ATAD2: variants seen among roughly 807,000 people sequenced by gnomAD.
ATAD2 encodes ATPase family AAA domain-containing protein 2.
Under a neutral mutation model 168.9 loss-of-function variants are expected in ATAD2, and 62 were observed. The ratio of observed to expected loss-of-function variants is 0.37; its 90% CI spans 0.30 to 0.45. The LOEUF is 0.45. ATAD2 is among the 20% of genes least tolerant of loss of function. ATAD2 has a pLI of 1.00. For synonymous variants in ATAD2, 613 were observed against 571.6 expected, an observed-to-expected ratio of 1.07 and a Z score of -1.03; for missense variants, 1,419 against 1,667.8, an observed-to-expected ratio of 0.85 and a Z score of 2.60.
chr8:123,389,304 A>T lies in ATAD2; in HGVS notation c.171+6883T>A, dbSNP rs1829741204. 2.1e-5 allele frequency among the ~76,000 whole-genome samples: 3 copies of T among 145,484 alleles called. No homozygotes were observed. The South Asian group carries it at 6.8e-4, about 33-fold the overall frequency. On this transcript the variant is annotated intron_variant, in intron 1 of 27. Transcript: ENST00000287394. ...GCTTTGCTGTTTTCTATTCATCCTC[A>T]AGGACAAGCAGTCCCAACCTCTTAG...
rs138781236 is a variant in ATAD2 at position 123,323,662 on chromosome 8, G to T, written c.4003-596C>A. ...TAGTTAAGTAAAAACCAACTAAAAT[G>T]GCCATAGGTAATGGTCATAAAAACA... On this transcript the variant is annotated intron_variant, in intron 26 of 27. Transcript: ENST00000287394. Among the ~76,000 whole-genome samples, 15 of 152,094 alleles carry T rather than the reference G, an allele frequency of 9.9e-5. No homozygotes were observed. In the East Asian group the frequency reaches 2.1e-3, roughly 22 times the overall value.
At chr8:123,359,738 C>T in intron 9 of ATAD2, 53 bp from the exon 10 acceptor site, 1 of 1,214,860 alleles carries the variant, frequency 8.2e-7, no homozygotes, top group Non-Finnish European at 1.2e-6. Flanking sequence ...CACCCTCCTT[C>T]CCAAATTCCA....
chr8:123,349,272 A>G lies in ATAD2; in HGVS notation c.1806+13T>C, dbSNP rs200383769. 286 of 1,607,968 alleles carry G rather than the reference A, an allele frequency of 1.8e-4. No homozygotes were observed. The highest frequency in any genetic ancestry group is 2.6e-4 in the Admixed American group (15 of 57,720). Reference sequence around the variant, plus strand: ...TATATTTTGTCAAAATTTGAGTGACATTAAATTCTTACCTCTTTATCAGGC... The same window carrying G: ...TATATTTTGTCAAAATTTGAGTGACGTTAAATTCTTACCTCTTTATCAGGC... On this transcript the variant is annotated intron_variant, in intron 14 of 27. Coordinates refer to ENST00000287394, the MANE Select transcript of ATAD2 (RefSeq NM_014109.4).
At chr8:123,365,368 A>G (rs1828943659) in intron 8 of ATAD2, among the ~76,000 whole-genome samples, 1 of 152,178 alleles carries the variant, frequency 6.6e-6, no homozygotes, top group Admixed American at 6.6e-5. Context: ...AGCAATCTAC[A>G]AATTCAACAT....
intron 1 of ATAD2, 153 bp from the exon 2 acceptor site, chr8:123,380,830 T>C (rs1829473876): frequency 1.5e-6 from 1 of 671,924 alleles, no homozygotes; most frequent in Non-Finnish European, 2.5e-6. Context: ...AGTTAGTATC[T>C]AGAAAAACCA....
chr8:123,321,426 C>T (rs117399115), intron 27 of ATAD2, among the ~76,000 whole-genome samples: 2,802 of 151,004 alleles, frequency 0.019, 46 homozygotes, highest in Non-Finnish European at 0.026. Context: ...TAGTATTAAT[C>T]AAGGTACTGA....
rs940865916 is a variant in ATAD2, at chr8:123,396,420, G to C, written c.-63C>G. 27 of 1,430,344 alleles carry C rather than the reference G, an allele frequency of 1.9e-5. No individual in the cohort carries two copies. In the South Asian group the frequency reaches 3.8e-4, roughly 20 times the overall value. 88.6% of individuals were successfully genotyped at this position (1,430,344 alleles called of 1,614,324 possible). ...AGAGATCCAGCTCCAGGCGCTCGCAGCTCTGGCTCTTCCGCGCTCCGAATT... is the reference window on the plus strand; with the variant it reads ...AGAGATCCAGCTCCAGGCGCTCGCACCTCTGGCTCTTCCGCGCTCCGAATT... On this transcript the variant is annotated 5_prime_UTR_variant, in exon 1 of 28. Coordinates refer to ENST00000287394, the MANE Select transcript of ATAD2 (RefSeq NM_014109.4).
intron 1 of ATAD2, among the ~76,000 whole-genome samples, chr8:123,389,817 T>C (rs1829763864): frequency 6.7e-6 from 1 of 149,800 alleles, no homozygotes; most frequent in Non-Finnish European, 1.5e-5. Context: ...GAATCTAGAA[T>C]ACTTAGTATA....
At chr8:123,369,605 A>T (rs1314256989) in intron 7 of ATAD2, among the ~76,000 whole-genome samples, 2 of 152,204 alleles carry the variant, frequency 1.3e-5, no homozygotes, top group Non-Finnish European at 2.9e-5. Flanking sequence ...TAAAATTCAA[A>T]AATAGCCCAG....
chr8:123,380,672 C>T lies in ATAD2; in HGVS notation c.177G>A (p.Gly59=), dbSNP rs754591915. ...PAATTAKAGD[G]SSVKEVETYH... ...AGGTTTCAACTTCCTTAACTGATGA[C>T]CCATCCTTTAAGAAAAATTAAGAAA... The change falls in exon 2 of 28, where the codon GGG becomes GGA. Residue 59 remains glycine (G), a synonymous_variant. Transcript: ENST00000287394. The T allele has an allele frequency of 1.0e-5, 16 of 1,597,844 alleles. No individual in the cohort carries two copies. The highest frequency in any genetic ancestry group is 8.5e-7 in the Non-Finnish European group (1 of 1,173,984).
At position 123,413,135 on chromosome 8, in the gene ATAD2, G is replaced by A. The variant is rs79530737; in HGVS notation, c.-2282+3113C>T. 2.2e-3 allele frequency among the ~76,000 whole-genome samples: 333 copies of A among 151,570 alleles called. 3 individuals are homozygous for A. Among genetic ancestry groups the A allele is most frequent in the African/African-American group, 7.8e-3 (321 of 41,342 alleles). On this transcript the variant is annotated intron_variant, in intron 1 of 28. Coordinates refer to the ATAD2 transcript ENST00000521903. Reference sequence around the variant, plus strand: ...TGTGGGAGGATAGAATCCTAACTTAGATAACTGCCAGCTAGCAGACACGAC... The same window carrying A: ...TGTGGGAGGATAGAATCCTAACTTAAATAACTGCCAGCTAGCAGACACGAC...
At chr8:123,379,955 C>T (rs1266309947) in intron 2 of ATAD2, among the ~76,000 whole-genome samples, 6 of 148,014 alleles carry the variant, frequency 4.1e-5, no homozygotes, top group African/African-American at 1.5e-4. Flanking sequence ...GGCATGATCT[C>T]CGCTCACTGC....
intron 12 of ATAD2, among the ~76,000 whole-genome samples, chr8:123,357,115 G>A (rs759700429): frequency 1.8e-4 from 28 of 152,096 alleles, no homozygotes; most frequent in African/African-American, 6.3e-4. Flanking sequence ...AAAGAACCTC[G>A]GGAGAGTTCC....
chr8:123,330,396 GCT>G (rs1472058896), intron 24 of ATAD2, among the ~76,000 whole-genome samples: 6 of 151,952 alleles, frequency 3.9e-5, no homozygotes, highest in African/African-American at 1.5e-4. Context: ...ATGGAGTCTT[GCT>G]CTGTCACCCA....
intron 2 of ATAD2, among the ~76,000 whole-genome samples, chr8:123,375,953 A>G (rs1002741403): frequency 6.6e-6 from 1 of 152,110 alleles, no homozygotes; most frequent in Non-Finnish European, 1.5e-5. Flanking sequence ...TAAAAGTACA[A>G]AAATTGGCTG....
intron 2 of ATAD2, among the ~76,000 whole-genome samples, chr8:123,374,940 T>C (rs1586893718): frequency 6.6e-6 from 1 of 152,232 alleles, no homozygotes; most frequent in East Asian, 1.9e-4. Context: ...GTTACTCATA[T>C]CTTTCTGTCT....
intron 13 of ATAD2, among the ~76,000 whole-genome samples, chr8:123,350,929 C>T (rs894884941): frequency 6.6e-6 from 1 of 151,560 alleles, no homozygotes; most frequent in Non-Finnish European, 1.5e-5. Context: ...GACGAGATTT[C>T]ACCGTGTTAG....
intron 13 of ATAD2, among the ~76,000 whole-genome samples, chr8:123,355,280 T>C (rs1466645450): frequency 6.6e-6 from 1 of 152,236 alleles, no homozygotes; most frequent in African/African-American, 2.4e-5. Context: ...CTATATCTTA[T>C]TCATCTACAT....
Position 123,320,893 on chromosome 8 carries a change from A to G in ATAD2, c.*241T>C, listed in dbSNP as rs1464962716. The G allele has an allele frequency of 1.3e-5, 5 of 398,408 alleles. No homozygotes were observed. The highest frequency in any genetic ancestry group is 8.4e-5 in the African/African-American group (4 of 47,740). 24.7% of individuals were successfully genotyped at this position (398,408 alleles called of 1,614,324 possible). A position where few individuals can be genotyped will look rare whatever the true frequency, so the allele number is the denominator to read the frequency against. On this transcript the variant is annotated 3_prime_UTR_variant, in exon 28 of 28. Transcript: ENST00000287394. ...TTTATTAAGAGTTGGCCAAACTTCAACTATTATTACTATTACTACAGGGTC... is the reference window on the plus strand; with the variant it reads ...TTTATTAAGAGTTGGCCAAACTTCAGCTATTATTACTATTACTACAGGGTC...
Sources: gnomAD v4.1 joint callset for allele counts (sites outside exome capture counted in the v4.1 genomes callset) on GRCh38, gnomAD v4.1.1 for gene constraint, MANE v1.5 for transcripts, NCBI Gene and HGNC (gene_info 2026-07-23, HGNC 2026-07-21) for gene names.